ZNF704: variants seen among roughly 807,000 people sequenced by gnomAD.
The protein encoded by ZNF704 is glucocorticoid induced gene 1.
ZNF704 carries 10 observed loss-of-function variants against 44.7 expected under a neutral mutation model. That is an observed-to-expected ratio of 0.22 (90% confidence interval 0.14 to 0.38). ZNF704 has a LOEUF of 0.38. Ranked by LOEUF, ZNF704 falls within the 10% of genes least tolerant of loss-of-function variation. The pLI is 1.00. For missense variants in ZNF704, 390 were observed against 545.5 expected (o/e 0.71, Z 2.84); for synonymous variants, 211 against 207.6 (o/e 1.02, Z -0.14).
At chr8:80,854,716 C>T (rs1400414369) in intron 1 of ZNF704, among the ~76,000 whole-genome samples, 2 of 152,178 alleles carry the variant, frequency 1.3e-5, no homozygotes, top group Non-Finnish European at 2.9e-5. Flanking sequence ...GGAGCTTAGA[C>T]TGGTTTTGCA....
At chr8:80,837,730 G>A (rs552648291) in intron 1 of ZNF704, among the ~76,000 whole-genome samples, 1 of 152,240 alleles carries the variant, frequency 6.6e-6, no homozygotes, top group East Asian at 1.9e-4. Flanking sequence ...TATGCAGATG[G>A]AATTTGAGCC....
intron 2 of ZNF704, among the ~76,000 whole-genome samples, chr8:80,706,507 A>G (rs888248930): frequency 1.3e-5 from 2 of 152,224 alleles, no homozygotes; most frequent in East Asian, 1.9e-4. Context: ...TGTTTTTTCA[A>G]AGAGAGAAGA....
chr8:80,738,664 T>G (rs551975469), intron 2 of ZNF704, among the ~76,000 whole-genome samples: 1 of 152,274 alleles, frequency 6.6e-6, no homozygotes, highest in African/African-American at 2.4e-5. Flanking sequence ...TACAAGATTT[T>G]CAAGAACTTA....
chr8:80,687,460 T>C lies in ZNF704; in HGVS notation c.326-2A>G. 1 of 1,541,936 alleles carries C rather than the reference T, an allele frequency of 6.5e-7. No homozygotes were observed. ...CCTTCCAGGATCCGCTGAGGCTCTC[T>C]GCATGCACACAAACACAGTCAGTGC... On this transcript the variant is annotated splice_acceptor_variant, in intron 3 of 8. Coordinates refer to ENST00000327835, the MANE Select transcript of ZNF704 (RefSeq NM_001033723.3). LOFTEE classifies it high-confidence loss of function.
At chr8:80,699,901 C>T (rs1818783059) in intron 2 of ZNF704, among the ~76,000 whole-genome samples, 1 of 152,196 alleles carries the variant, frequency 6.6e-6, no homozygotes, top group Non-Finnish European at 1.5e-5. Context: ...CACCCTCTCC[C>T]CTTTTACCAT....
intron 1 of ZNF704, among the ~76,000 whole-genome samples, chr8:80,828,552 G>C (rs1172302865): frequency 1.3e-5 from 2 of 152,052 alleles, no homozygotes; most frequent in Non-Finnish European, 2.9e-5. Flanking sequence ...CCTCCAGTGG[G>C]GTCATCTGTG....
chr8:80,671,015 G>C (rs1371923725), intron 4 of ZNF704, among the ~76,000 whole-genome samples: 1 of 152,176 alleles, frequency 6.6e-6, no homozygotes, highest in East Asian at 1.9e-4. Context: ...AAAGTGTCCA[G>C]TCAATGAACC....
chr8:80,750,211 T>C (rs1361296832), intron 2 of ZNF704, among the ~76,000 whole-genome samples: 4 of 152,220 alleles, frequency 2.6e-5, no homozygotes, highest in Non-Finnish European at 5.9e-5. Context: ...AGGCAATGAC[T>C]GCCAACTTGT....
Position 80,640,601 on chromosome 8 carries a change from G to A in ZNF704, c.*765C>T, listed in dbSNP as rs1399944758. 1 of 152,172 alleles carries A rather than the reference G, an allele frequency of 6.6e-6. No individual in the cohort carries two copies. The highest frequency in any genetic ancestry group is 2.4e-5 in the African/African-American group (1 of 41,426). The allele number at this position is 152,172 out of a possible 1,614,324, so 9.4% of individuals were successfully genotyped here. On this transcript the variant is annotated 3_prime_UTR_variant, in exon 9 of 9. Transcript: ENST00000327835. ...TAGAGTTAGCTGTGCTGCCTTTAGG[G>A]GAAGAGCTTCTTATGGATCCAAGGA... is the stretch of plus-strand genomic sequence containing the variant.
intron 2 of ZNF704, among the ~76,000 whole-genome samples, chr8:80,711,297 A>G (rs1202266194): frequency 6.6e-6 from 1 of 152,232 alleles, no homozygotes; most frequent in South Asian, 2.1e-4. Flanking sequence ...TTCTGACAGT[A>G]GCAGCAGTGG....
chr8:80,715,823 C>T (rs991521961), intron 2 of ZNF704, among the ~76,000 whole-genome samples: 16 of 152,060 alleles, frequency 1.1e-4, no homozygotes, highest in African/African-American at 3.6e-4. Context: ...CTCATGCCTG[C>T]AATCCTAGCA....
intron 5 of ZNF704, among the ~76,000 whole-genome samples, chr8:80,666,411 G>A (rs907034696): frequency 1.3e-5 from 2 of 151,842 alleles, no homozygotes; most frequent in Admixed American, 6.6e-5. Flanking sequence ...TGTGAATAAT[G>A]CCGCAATAAA....
chr8:80,850,071 G>C (rs1165995294), intron 1 of ZNF704, among the ~76,000 whole-genome samples: 1 of 152,070 alleles, frequency 6.6e-6, no homozygotes. Flanking sequence ...TTATTATAAT[G>C]TTGCTGGGTT....
chr8:80,827,652 C>T (rs1445184164), intron 1 of ZNF704, among the ~76,000 whole-genome samples: 11 of 152,154 alleles, frequency 7.2e-5, no homozygotes, highest in Admixed American at 4.6e-4. Context: ...GGAGGCATCA[C>T]GCTACCTGAC....
At chr8:80,671,242 G>A (rs112827989) in intron 4 of ZNF704, among the ~76,000 whole-genome samples, 7 of 152,052 alleles carry the variant, frequency 4.6e-5, no homozygotes, top group Admixed American at 6.6e-5. Flanking sequence ...ATCCTCCCAC[G>A]TTAGCCTCCC....
intron 2 of ZNF704, among the ~76,000 whole-genome samples, chr8:80,817,515 C>T (rs1388303187): frequency 6.6e-6 from 1 of 152,224 alleles, no homozygotes; most frequent in Non-Finnish European, 1.5e-5. Context: ...TGTCCTTGCC[C>T]CTCCTGTCCC....
chr8:80,701,430 A>G (rs1286639804), intron 2 of ZNF704, among the ~76,000 whole-genome samples: 2 of 151,586 alleles, frequency 1.3e-5, no homozygotes, highest in Non-Finnish European at 2.9e-5. Context: ...TCTTTGTCAC[A>G]TTCTGCCTTT....
intron 1 of ZNF704, among the ~76,000 whole-genome samples, chr8:80,825,602 C>A (rs958548162): frequency 6.6e-6 from 1 of 152,172 alleles, no homozygotes; most frequent in Admixed American, 6.5e-5. Context: ...GAACTCTCCA[C>A]CCCAAATCAA....
intron 2 of ZNF704, among the ~76,000 whole-genome samples, chr8:80,816,880 A>T (rs1482900306): frequency 2.6e-5 from 4 of 152,198 alleles, no homozygotes; most frequent in Non-Finnish European, 4.4e-5. Context: ...CTCAAAAAAG[A>T]AAGTAGTGCT....
Sources: allele counts gnomAD v4.1 joint callset (sites outside exome capture counted in the v4.1 genomes callset), GRCh38; gene constraint gnomAD v4.1.1; transcripts MANE v1.5; gene names NCBI Gene and HGNC (gene_info 2026-07-23, HGNC 2026-07-21).